MAGI1: variants seen among roughly 807,000 people sequenced by gnomAD.
MAGI1 encodes the protein membrane-associated guanylate kinase, WW and PDZ domain-containing protein 1.
MAGI1 carries 58 observed loss-of-function variants against 139.9 expected under a neutral mutation model. That is an observed-to-expected ratio of 0.41 (90% CI 0.34 to 0.52). The LOEUF (loss-of-function observed/expected upper bound fraction) is 0.52. Ranked by LOEUF, MAGI1 falls within the 20% of genes least tolerant of loss-of-function variation. The pLI, the probability that MAGI1 is intolerant of heterozygous loss-of-function variation, is 0.12. For synonymous variants in MAGI1, 812 were observed against 737.9 expected (o/e 1.10, Z -1.63); for missense variants, 1,874 against 1,901.6 (o/e 0.99, Z 0.27).
At chr3:65,792,510 T>C (rs893124586) in intron 1 of MAGI1, among the ~76,000 whole-genome samples, 1 of 152,148 alleles carries the variant, frequency 6.6e-6, no homozygotes, top group Non-Finnish European at 1.5e-5. Context: ...AATACAGTTT[T>C]TTATTAAAAC....
intron 1 of MAGI1, among the ~76,000 whole-genome samples, chr3:65,845,115 G>C (rs1181250835): frequency 6.6e-6 from 1 of 152,026 alleles, no homozygotes; most frequent in Non-Finnish European, 1.5e-5. Context: ...GCTGGGTGTG[G>C]TGGTGCACGC....
rs564574353 is a variant in MAGI1, at chr3:66,035,535, T to A, written c.313+2461A>T. On this transcript the variant is annotated intron_variant, in intron 1 of 22. Coordinates refer to ENST00000402939, the MANE Select transcript of MAGI1 (RefSeq NM_001033057.2). ...ACTGGTGAAATGGTTTCTAGGGCCA[T>A]CATTACTGGTAATGAAGACGTCAGA... Among the ~76,000 whole-genome samples, 3 of 152,306 alleles carry A rather than the reference T, an allele frequency of 2.0e-5. No homozygotes were observed. The South Asian group carries it at 6.2e-4, about 32-fold the overall frequency.
At chr3:65,471,667 G>A (rs371174996) in intron 4 of MAGI1, among the ~76,000 whole-genome samples, 1 of 152,118 alleles carries the variant, frequency 6.6e-6, no homozygotes, top group Non-Finnish European at 1.5e-5. Flanking sequence ...GGTCCACATG[G>A]TCCAGGACGG....
intron 2 of MAGI1, among the ~76,000 whole-genome samples, chr3:65,526,408 G>C (rs1457583781): frequency 6.6e-6 from 1 of 152,154 alleles, no homozygotes; most frequent in Non-Finnish European, 1.5e-5. Flanking sequence ...TCTAGTAAAA[G>C]CTCCAGCTCT....
chr3:65,938,363 T>C (rs978026940), intron 1 of MAGI1, among the ~76,000 whole-genome samples: 4 of 148,392 alleles, frequency 2.7e-5, no homozygotes, highest in East Asian at 1.9e-4. Flanking sequence ...ATAAATATTA[T>C]ATTAAATATA....
At chr3:65,444,874 C>G (rs1335638499) in intron 7 of MAGI1, among the ~76,000 whole-genome samples, 4 of 152,160 alleles carry the variant, frequency 2.6e-5, no homozygotes, top group African/African-American at 7.2e-5. Flanking sequence ...AAGATAGTTT[C>G]TCACTTCCAA....
intron 1 of MAGI1, among the ~76,000 whole-genome samples, chr3:65,835,668 T>C (rs529742909): frequency 2.6e-5 from 4 of 152,338 alleles, no homozygotes; most frequent in Admixed American, 2.0e-4. Flanking sequence ...CAGATAATAT[T>C]TGCACTAATA....
At chr3:65,867,974 G>A (rs1575768693) in intron 1 of MAGI1, among the ~76,000 whole-genome samples, 1 of 152,220 alleles carries the variant, frequency 6.6e-6, no homozygotes, top group East Asian at 1.9e-4. Flanking sequence ...TGATCTATCA[G>A]GAATCCATAA....
chr3:65,363,405 G>A, intron 21 of MAGI1, 60 bp downstream of exon 21: 1 of 1,527,174 alleles, frequency 6.5e-7, no homozygotes, highest in Middle Eastern at 1.8e-4. Context: ...AACCATATAT[G>A]ACAAGAATTC....
intron 1 of MAGI1, among the ~76,000 whole-genome samples, chr3:65,627,329 G>A (rs1031962977): frequency 3.9e-5 from 6 of 151,962 alleles, no homozygotes; most frequent in African/African-American, 1.4e-4. Context: ...ACATTTCTTA[G>A]AATGTATTCC....
chr3:65,882,134 T>C (rs1023252679), intron 1 of MAGI1, among the ~76,000 whole-genome samples: 2 of 152,238 alleles, frequency 1.3e-5, no homozygotes, highest in African/African-American at 4.8e-5. Flanking sequence ...CATTTTGATC[T>C]CTGTATCATT....
intron 3 of MAGI1, among the ~76,000 whole-genome samples, chr3:65,484,477 G>T (rs1301399993): frequency 2.0e-5 from 3 of 152,140 alleles, no homozygotes; most frequent in Admixed American, 6.5e-5. Flanking sequence ...TCTTTTTTGA[G>T]GGGGAGAGAG....
At chr3:65,559,867 T>G (rs976731104) in intron 2 of MAGI1, among the ~76,000 whole-genome samples, 1 of 152,154 alleles carries the variant, frequency 6.6e-6, no homozygotes, top group South Asian at 2.1e-4. Flanking sequence ...AGACCCTATG[T>G]GTATAAAATA....
chr3:65,730,566 C>T (rs1026825721), intron 1 of MAGI1, among the ~76,000 whole-genome samples: 9 of 152,166 alleles, frequency 5.9e-5, no homozygotes, highest in Non-Finnish European at 1.3e-4. Flanking sequence ...AATGGACTGA[C>T]GAGACTGGCT....
intron 1 of MAGI1, among the ~76,000 whole-genome samples, chr3:65,935,672 C>T (rs143516013): frequency 3.9e-5 from 6 of 152,092 alleles, no homozygotes; most frequent in African/African-American, 1.2e-4. Flanking sequence ...TTTTGGCTGG[C>T]CTGGAAGTTG....
At chr3:65,906,775 A>G (rs1472213089) in intron 1 of MAGI1, among the ~76,000 whole-genome samples, 1 of 151,808 alleles carries the variant, frequency 6.6e-6, no homozygotes, top group African/African-American at 2.4e-5. Context: ...AATCCCAGCT[A>G]CTAGGGAGGC....
chr3:66,011,907 T>C (rs1376874439), intron 1 of MAGI1, among the ~76,000 whole-genome samples: 2 of 151,188 alleles, frequency 1.3e-5, no homozygotes, highest in African/African-American at 2.4e-5. Context: ...GTTATTTGGA[T>C]TGTCCTTTTT....
chr3:65,943,386 C>T (rs34331475), intron 1 of MAGI1, among the ~76,000 whole-genome samples: 34,086 of 151,904 alleles, frequency 0.22, 5,030 homozygotes, highest in Non-Finnish European at 0.32. Context: ...CCAGCCTGGC[C>T]AACATCGTGA....
intron 1 of MAGI1, among the ~76,000 whole-genome samples, chr3:65,810,920 C>T (rs1330170793): frequency 1.3e-5 from 2 of 152,196 alleles, no homozygotes; most frequent in Non-Finnish European, 2.9e-5. Flanking sequence ...CCTTCATTAC[C>T]TTGCAAGTAC....
Sources: gnomAD v4.1 joint callset for allele counts (sites outside exome capture counted in the v4.1 genomes callset) on GRCh38, gnomAD v4.1.1 for gene constraint, MANE v1.5 for transcripts, NCBI Gene and HGNC (gene_info 2026-07-23, HGNC 2026-07-21) for gene names.